ALPK1: variants seen among roughly 807,000 people sequenced by gnomAD.
ALPK1 encodes alpha-protein kinase 1.
Under a neutral mutation model 120.6 loss-of-function variants are expected in ALPK1, and 110 were observed. The ratio of observed to expected loss-of-function variants is 0.91; its 90% CI spans 0.78 to 1.07. The LOEUF (loss-of-function observed/expected upper bound fraction) is 1.07, where lower values mean the gene tolerates loss of function less well. Ranked by LOEUF, ALPK1 falls within the 50% of genes least tolerant of loss-of-function variation. The pLI, the probability that ALPK1 is intolerant of heterozygous loss-of-function variation, is 0.00. For missense variants in ALPK1, 1,498 were observed against 1,483.9 expected (o/e 1.01, Z -0.16); for synonymous variants, 582 against 560.3 (o/e 1.04, Z -0.55).
chr4:112,333,841 C>T (rs992413896), intron 2 of ALPK1, among the ~76,000 whole-genome samples: 1 of 152,126 alleles, frequency 6.6e-6, no homozygotes, highest in Non-Finnish European at 1.5e-5. Flanking sequence ...GACACTTCTG[C>T]CCCACAGCCT....
At chr4:112,408,545 G>A (rs952773776) in intron 4 of ALPK1, among the ~76,000 whole-genome samples, 2 of 150,678 alleles carry the variant, frequency 1.3e-5, no homozygotes, top group Non-Finnish European at 2.9e-5. Context: ...ATCTTGGCTC[G>A]CTACAACCTC....
intron 5 of ALPK1, chr4:112,414,610 A>C: frequency 3.7e-5 from 6 of 162,466 alleles, no homozygotes; most frequent in Admixed American, 1.2e-4. Context: ...CTTCGTCTCA[A>C]AAAAAAAAAA....
At chr4:112,345,831 A>G (rs1730075902) in intron 2 of ALPK1, among the ~76,000 whole-genome samples, 1 of 152,160 alleles carries the variant, frequency 6.6e-6, no homozygotes, top group Non-Finnish European at 1.5e-5. Context: ...CTCAGACTCC[A>G]TATAATTTCA....
In ALPK1 at chr4:112,399,251, G is replaced by C. The variant is rs1026339148; in HGVS notation, c.277-12576G>C. On this transcript the variant is annotated intron_variant, in intron 4 of 15. Transcript: ENST00000650871. ...GAAAGAAGCATGATCCAGCAAATCAGAGCAAGGAAGGGAACCAGGAGAATA... is the reference window on the plus strand; with the variant it reads ...GAAAGAAGCATGATCCAGCAAATCACAGCAAGGAAGGGAACCAGGAGAATA... Among the ~76,000 whole-genome samples the C allele has an allele frequency of 2.0e-5, 3 of 152,170 alleles. No individual in the cohort carries two copies. In the East Asian group the frequency reaches 5.8e-4, roughly 29 times the overall value.
At chr4:112,393,827 C>A (rs1031508553) in intron 4 of ALPK1, among the ~76,000 whole-genome samples, 3 of 152,288 alleles carry the variant, frequency 2.0e-5, no homozygotes, top group South Asian at 2.1e-4. Flanking sequence ...CAAACATTTT[C>A]TCTTCCCATT....
At chr4:112,359,946 A>C (rs1320364724) in intron 2 of ALPK1, 1 of 169,462 alleles carries the variant, frequency 5.9e-6, no homozygotes, top group Non-Finnish European at 1.3e-5. Context: ...AGCAATTTGC[A>C]AGCATACAAT....
At chr4:112,309,199 A>G (rs190949256) in intron 1 of ALPK1, among the ~76,000 whole-genome samples, 1,852 of 152,104 alleles carry the variant, frequency 0.012, 47 homozygotes, top group African/African-American at 0.042. Context: ...GGGGTCAGGG[A>G]CCCACTTGAG....
At position 112,337,792 on chromosome 4, in the gene ALPK1, A is replaced by C. The variant is rs977722271; in HGVS notation, c.-101+21940A>C. Among the ~76,000 whole-genome samples the C allele has an allele frequency of 2.0e-5, 3 of 152,186 alleles. No individual in the cohort carries two copies. In the South Asian group the frequency reaches 6.2e-4, roughly 32 times the overall value. On this transcript the variant is annotated intron_variant, in intron 2 of 15. Transcript: ENST00000650871. ...TTTAAATTAATAATTTAGAGCTTTTATGAGTTGTGGTCAAATAATTTTTTC... is the reference window on the plus strand; with the variant it reads ...TTTAAATTAATAATTTAGAGCTTTTCTGAGTTGTGGTCAAATAATTTTTTC...
In ALPK1 at chr4:112,441,040, A is replaced by G. The variant is rs777326537; in HGVS notation, c.3662A>G (p.Gln1221Arg). ...GGAATTTTTTACTTCTTTAATAACC[A>G]GCATGTGGAATGTAATGAAATCTGC... is the stretch of plus-strand genomic sequence containing the variant. ...KRGIFYFFNNQHVECNEICHR... is the reference protein window; with the variant it reads ...KRGIFYFFNNRHVECNEICHR... The change falls in exon 15 of 16, where the codon CAG (glutamine) becomes CGG (arginine). Residue 1221 changes from glutamine (Q) to arginine (R), a missense_variant. Transcript: ENST00000650871. The G allele has an allele frequency of 6.2e-7, 1 of 1,614,022 alleles. No homozygotes were observed. The highest frequency in any genetic ancestry group is 8.5e-7 in the Non-Finnish European group (1 of 1,179,920).
At chr4:112,439,296 CT>C (rs1175160455) in intron 13 of ALPK1, among the ~76,000 whole-genome samples, 1 of 152,132 alleles carries the variant, frequency 6.6e-6, no homozygotes, top group Non-Finnish European at 1.5e-5. Flanking sequence ...GTTTGCAAAC[CT>C]TAACTCTAAC....
chr4:112,358,807 T>G, intron 2 of ALPK1: 1 of 820,280 alleles, frequency 1.2e-6, no homozygotes, highest in South Asian at 1.3e-5. Context: ...AAGTAGGAGC[T>G]GAGCCAAGCC....
Position 112,315,030 on chromosome 4 carries a change from G to A in ALPK1, c.-152-771G>A, listed in dbSNP as rs796177163. Among the ~76,000 whole-genome samples the A allele has an allele frequency of 1.2e-4, 18 of 151,800 alleles. 1 individual carries two copies. Among genetic ancestry groups the A allele is most frequent in the African/African-American group, 3.6e-4 (15 of 41,406 alleles). ...TGAGTAGCTGGGATTACAGGCACGCGCCACCACACCTGGCTAATTTTGTAT... is the reference window on the plus strand; with the variant it reads ...TGAGTAGCTGGGATTACAGGCACGCACCACCACACCTGGCTAATTTTGTAT... On this transcript the variant is annotated intron_variant, in intron 1 of 15. Transcript: ENST00000650871.
chr4:112,382,663 T>G, intron 4 of ALPK1, 111 bp downstream of exon 4: 1 of 1,438,570 alleles, frequency 7.0e-7, no homozygotes. Context: ...CCCCTACCCT[T>G]ATGCTCAGCT....
At chr4:112,325,627 C>T (rs1488488704) in intron 2 of ALPK1, among the ~76,000 whole-genome samples, 3 of 152,136 alleles carry the variant, frequency 2.0e-5, no homozygotes, top group African/African-American at 4.8e-5. Flanking sequence ...AATCGTACGG[C>T]GTTTTGTTAT....
At chr4:112,335,808 TCTC>T (rs1245863664) in intron 2 of ALPK1, among the ~76,000 whole-genome samples, 1 of 152,180 alleles carries the variant, frequency 6.6e-6, no homozygotes, top group Non-Finnish European at 1.5e-5. Flanking sequence ...TTCTTGGACT[TCTC>T]CTGAGGAGGA....
At position 112,431,088 on chromosome 4, in the gene ALPK1, G is replaced by C. The variant is rs766038318; in HGVS notation, c.1541G>C (p.Arg514Thr). 1 of 1,614,104 alleles carries C rather than the reference G, an allele frequency of 6.2e-7. No homozygotes were observed. Among genetic ancestry groups the C allele is most frequent in the East Asian group, 2.2e-5 (1 of 44,900 alleles). The stretch of plus-strand genomic sequence containing the variant: ...ACTCAAGAAAAGCCACATTGTCAAA[G>C]AGACACAGGAATATCTTCCTCCCTA... ...STTQEKPHCQ[R>T]DTGISSSLMG... Residue 514 changes from arginine to threonine, a missense_variant, in exon 11 of 16, where the codon AGA becomes ACA. By Grantham distance (71) the Arg-to-Thr change is moderately conservative. Coordinates refer to ENST00000650871, the MANE Select transcript of ALPK1 (RefSeq NM_025144.4).
intron 2 of ALPK1, among the ~76,000 whole-genome samples, chr4:112,332,525 T>C (rs1350816248): frequency 6.6e-6 from 1 of 152,206 alleles, no homozygotes; most frequent in East Asian, 1.9e-4. Flanking sequence ...CTGGTTGCCA[T>C]CAATTACATG....
At chr4:112,398,474 A>C (rs1351024401) in intron 4 of ALPK1, among the ~76,000 whole-genome samples, 1 of 151,824 alleles carries the variant, frequency 6.6e-6, no homozygotes, top group Non-Finnish European at 1.5e-5. Flanking sequence ...TTAAAAAAAT[A>C]TTTTTGTAAA....
At position 112,366,317 on chromosome 4, in the gene ALPK1, T is replaced by A. The variant is rs555892605; in HGVS notation, c.-100-11361T>A. On this transcript the variant is annotated intron_variant, in intron 2 of 15. Transcript: ENST00000650871. Reference sequence around the variant, plus strand: ...TCTGTACATCCAACAAGGGACTAATTTCCAGAATCTACAAATAAACAAATC... The same window carrying A: ...TCTGTACATCCAACAAGGGACTAATATCCAGAATCTACAAATAAACAAATC... Among the ~76,000 whole-genome samples the A allele has an allele frequency of 5.3e-5, 8 of 152,010 alleles. No homozygotes were observed. The South Asian group carries it at 1.5e-3, about 28-fold the overall frequency.
Sources: gnomAD v4.1 joint callset for allele counts (sites outside exome capture counted in the v4.1 genomes callset) on GRCh38, gnomAD v4.1.1 for gene constraint, MANE v1.5 for transcripts, NCBI Gene and HGNC (gene_info 2026-07-23, HGNC 2026-07-21) for gene names.